Variants in NAALADL2 observed in about 807,000 individuals in gnomAD.
The protein encoded by NAALADL2 is N-acetylated alpha-linked acidic dipeptidase like 2.
NAALADL2 carries 76 observed loss-of-function variants against 87.2 expected under a neutral mutation model. That is an observed-to-expected ratio of 0.87 (90% CI 0.72 to 1.05). The LOEUF (loss-of-function observed/expected upper bound fraction) is 1.05, where lower values mean the gene tolerates loss of function less well. Ranked by LOEUF, NAALADL2 falls within the 50% of genes least tolerant of loss-of-function variation. The pLI is 0.00. For missense variants in NAALADL2, 1,089 were observed against 945.8 expected, an observed-to-expected ratio of 1.15 and a Z score of -1.99; for synonymous variants, 354 against 331.0, an observed-to-expected ratio of 1.07 and a Z score of -0.75.
At chr3:175,795,898 G>GGTCTT (rs1392779623) in intron 13 of NAALADL2, among the ~76,000 whole-genome samples, 2 of 151,626 alleles carry the variant, frequency 1.3e-5, no homozygotes, top group Non-Finnish European at 2.9e-5. Context: ...GGCTGGGCTG[G>GGTCTT]GTCTTGTTAT....
chr3:175,662,040 G>A (rs1201365645), intron 11 of NAALADL2, among the ~76,000 whole-genome samples: 1 of 151,692 alleles, frequency 6.6e-6, no homozygotes, highest in East Asian at 1.9e-4. Flanking sequence ...AATCATTTTT[G>A]GTATTTTTTC....
chr3:174,753,977 G>A (rs1396202985), intron 3 of NAALADL2, among the ~76,000 whole-genome samples: 1 of 152,150 alleles, frequency 6.6e-6, no homozygotes, highest in Non-Finnish European at 1.5e-5. Flanking sequence ...TAGGAAGAAA[G>A]CCCTCCCAGG....
chr3:175,410,082 T>C (rs144514419), intron 5 of NAALADL2, among the ~76,000 whole-genome samples: 38 of 152,252 alleles, frequency 2.5e-4, no homozygotes, highest in African/African-American at 8.9e-4. Context: ...TAAAATCTCA[T>C]TTTGTATATC....
intron 4 of NAALADL2, among the ~76,000 whole-genome samples, chr3:175,296,679 T>G (rs1206680358): frequency 6.6e-6 from 1 of 152,158 alleles, no homozygotes; most frequent in Non-Finnish European, 1.5e-5. Flanking sequence ...ATCCAAACCT[T>G]AATGTTTATT....
intron 10 of NAALADL2, among the ~76,000 whole-genome samples, chr3:175,578,524 T>C (rs1312553901): frequency 6.6e-6 from 1 of 152,232 alleles, no homozygotes; most frequent in African/African-American, 2.4e-5. Context: ...AAGCATTTTA[T>C]ACCCCTTATA....
chr3:174,800,952 C>A (rs1489417046), intron 3 of NAALADL2, among the ~76,000 whole-genome samples: 2 of 152,164 alleles, frequency 1.3e-5, no homozygotes, highest in African/African-American at 4.8e-5. Flanking sequence ...TTTGGAACAG[C>A]TGTATTTACC....
rs1754558392 is a variant in NAALADL2 at position 175,804,772 on chromosome 3, T to C, written c.*1569T>C. 1 of 151,864 alleles carries C rather than the reference T, an allele frequency of 6.6e-6. No individual in the cohort carries two copies. Among genetic ancestry groups the C allele is most frequent in the Non-Finnish European group, 1.5e-5 (1 of 67,854 alleles). 9.4% of individuals were successfully genotyped at this position (151,864 alleles called of 1,614,324 possible). A position where few individuals can be genotyped will look rare whatever the true frequency, so the allele number is the denominator to read the frequency against. On this transcript the variant is annotated 3_prime_UTR_variant, in exon 14 of 14. Coordinates refer to ENST00000454872, the MANE Select transcript of NAALADL2 (RefSeq NM_207015.3). ...TAATCAATACTGATTAATTGATTTA[T>C]AAGGTTCAACACTGTCTACCCTAAA...
chr3:174,912,504 A>AATGT (rs1733837369), intron 1 of NAALADL2, among the ~76,000 whole-genome samples: 1 of 152,118 alleles, frequency 6.6e-6, no homozygotes, highest in Non-Finnish European at 1.5e-5. Flanking sequence ...AGGTAACCAA[A>AATGT]ATGTGGTCAG....
At chr3:174,920,826 A>G (rs920311927) in intron 1 of NAALADL2, among the ~76,000 whole-genome samples, 2 of 152,166 alleles carry the variant, frequency 1.3e-5, no homozygotes, top group Non-Finnish European at 2.9e-5. Flanking sequence ...TCTTCTTTTC[A>G]CTTTAACATG....
chr3:174,451,249 T>C (rs1159788137), intron 1 of NAALADL2, among the ~76,000 whole-genome samples: 1 of 152,188 alleles, frequency 6.6e-6, no homozygotes, highest in Non-Finnish European at 1.5e-5. Flanking sequence ...TTAGAGACAA[T>C]GACAGTGATA....
intron 1 of NAALADL2, among the ~76,000 whole-genome samples, chr3:174,976,119 A>C (rs1304006089): frequency 6.6e-6 from 1 of 152,190 alleles, no homozygotes; most frequent in East Asian, 1.9e-4. Context: ...TTTCATACTT[A>C]ATTTGATTCA....
At chr3:174,669,817 G>T (rs1213641728) in intron 2 of NAALADL2, among the ~76,000 whole-genome samples, 2 of 151,870 alleles carry the variant, frequency 1.3e-5, no homozygotes, top group Non-Finnish European at 2.9e-5. Context: ...GAATCTGTAG[G>T]TAGCTTTCGA....
intron 2 of NAALADL2, among the ~76,000 whole-genome samples, chr3:175,202,552 CAA>C (rs1740201829): frequency 6.6e-6 from 1 of 152,284 alleles, no homozygotes; most frequent in Non-Finnish European, 1.5e-5. Context: ...CAACTAGACT[CAA>C]AGGGCATAGA....
At chr3:175,739,030 T>G (rs968243047) in intron 12 of NAALADL2, among the ~76,000 whole-genome samples, 4 of 152,324 alleles carry the variant, frequency 2.6e-5, no homozygotes, top group East Asian at 1.9e-4. Flanking sequence ...TATAAAACTT[T>G]AAACTTTCAG....
intron 2 of NAALADL2, among the ~76,000 whole-genome samples, chr3:175,107,485 T>C (rs974205642): frequency 2.0e-5 from 3 of 150,622 alleles, no homozygotes; most frequent in South Asian, 2.1e-4. Flanking sequence ...TCTAGCTCTT[T>C]TCATACACAA....
At chr3:175,366,536 T>C (rs542376316) in intron 5 of NAALADL2, among the ~76,000 whole-genome samples, 14 of 151,638 alleles carry the variant, frequency 9.2e-5, no homozygotes, top group South Asian at 8.3e-4. Flanking sequence ...TCCTGACTTT[T>C]TAATGGTTGT....
chr3:175,574,092 GTT>G (rs1718507418), intron 9 of NAALADL2, among the ~76,000 whole-genome samples: 1 of 152,078 alleles, frequency 6.6e-6, no homozygotes, highest in African/African-American at 2.4e-5. Context: ...ATTATTATAT[GTT>G]TATAACATCC....
intron 5 of NAALADL2, among the ~76,000 whole-genome samples, chr3:175,434,922 A>AT (rs1301586644): frequency 6.6e-6 from 1 of 152,032 alleles, no homozygotes; most frequent in African/African-American, 2.4e-5. Flanking sequence ...TTTTCTTATG[A>AT]TATAGTTTAT....
intron 10 of NAALADL2, among the ~76,000 whole-genome samples, chr3:175,611,639 A>T (rs1468874306): frequency 6.6e-6 from 1 of 152,180 alleles, no homozygotes; most frequent in Non-Finnish European, 1.5e-5. Flanking sequence ...GAAAATCGAG[A>T]TAACTGATTA....
Sources: gnomAD v4.1 joint callset for allele counts (sites outside exome capture counted in the v4.1 genomes callset) on GRCh38, gnomAD v4.1.1 for gene constraint, MANE v1.5 for transcripts, NCBI Gene and HGNC (gene_info 2026-07-23, HGNC 2026-07-21) for gene names.